Variants in ZNF169 observed in about 807,000 individuals in gnomAD.
The protein encoded by ZNF169 is zinc finger protein 169.
In ZNF169, 11 loss-of-function variants were observed where a neutral mutation model predicts 12.0. The ratio of observed to expected loss-of-function variants is 0.92; its 90% CI spans 0.58 to 1.52. The LOEUF (loss-of-function observed/expected upper bound fraction) is 1.52, where lower values mean the gene tolerates loss of function less well. Among genes scored for constraint, ZNF169 ranks in the 40% most tolerant of loss-of-function variants. The pLI, the probability that ZNF169 is intolerant of heterozygous loss-of-function variation, is 0.00. For synonymous variants in ZNF169, 302 were observed against 286.5 expected, an observed-to-expected ratio of 1.05 and a Z score of -0.55; for missense variants, 722 against 744.0, an observed-to-expected ratio of 0.97 and a Z score of 0.34.
Position 94,270,712 on chromosome 9 carries a change from A to AT in ZNF169, c.-55-8045dup, listed in dbSNP as rs1564083287. Among the ~76,000 whole-genome samples, 9 of 35,144 alleles carry AT rather than the reference A, an allele frequency of 2.6e-4. 1 individual carries two copies. The highest frequency in any genetic ancestry group is 1.4e-3 in the South Asian group (1 of 712). The allele number at this position is 35,144 out of a possible 152,430, so 23.1% of individuals were successfully genotyped here. A position where few individuals can be genotyped will look rare whatever the true frequency, so the allele number is the denominator to read the frequency against. ...AATATATAATTTATATAATTATATA[A>AT]TATATAATATTATATATTATATAAT... On this transcript the variant is annotated intron_variant, in intron 1 of 4. Transcript: ENST00000395395.
intron 4 of ZNF169, among the ~76,000 whole-genome samples, chr9:94,296,610 T>G (rs1029866838): frequency 5.3e-5 from 8 of 152,226 alleles, no homozygotes; most frequent in African/African-American, 1.9e-4. Context: ...GCACCATTTA[T>G]TGAAAACACT....
chr9:94,264,860 AT>A (rs894027271), intron 1 of ZNF169, among the ~76,000 whole-genome samples: 4 of 151,322 alleles, frequency 2.6e-5, no homozygotes, highest in African/African-American at 9.7e-5. Context: ...TTTTTATTGT[AT>A]TTTGTTGTAT....
chr9:94,266,316 T>C (rs181662190), intron 1 of ZNF169, among the ~76,000 whole-genome samples: 36 of 152,312 alleles, frequency 2.4e-4, no homozygotes, highest in African/African-American at 7.5e-4. Context: ...TGCTTGTATA[T>C]TTATTTGTCA....
intron 4 of ZNF169, among the ~76,000 whole-genome samples, chr9:94,298,150 G>C (rs1292539833): frequency 6.6e-6 from 1 of 150,442 alleles, no homozygotes; most frequent in Non-Finnish European, 1.5e-5. Context: ...CTAGGCGACA[G>C]TGCGAGACTC....
At chr9:94,294,801 T>C (rs970812743) in intron 4 of ZNF169, 4 of 152,356 alleles carry the variant, frequency 2.6e-5, no homozygotes, top group Non-Finnish European at 4.4e-5. Flanking sequence ...TGTTATTGAT[T>C]TGTAGAAATC....
chr9:94,273,695 T>G (rs896430668), intron 1 of ZNF169, among the ~76,000 whole-genome samples: 12 of 149,918 alleles, frequency 8.0e-5, no homozygotes, highest in Non-Finnish European at 1.6e-4. Flanking sequence ...TTCTCCTGCC[T>G]CAGCCTCCCG....
chr9:94,288,373 GT>G, intron 2 of ZNF169: 1 of 1,236,820 alleles, frequency 8.1e-7, no homozygotes. Flanking sequence ...TCTGTACTTG[GT>G]TTCCAGACTG....
intron 3 of ZNF169, 119 bp from the exon 4 acceptor site, chr9:94,292,855 C>A (rs1032012494): frequency 8.7e-6 from 7 of 807,896 alleles, no homozygotes; most frequent in Admixed American, 4.6e-5. Context: ...GTTTACTCCA[C>A]CCCTGCACCT....
At chr9:94,296,586 A>G (rs923663203) in intron 4 of ZNF169, among the ~76,000 whole-genome samples, 1 of 152,200 alleles carries the variant, frequency 6.6e-6, no homozygotes, top group Admixed American at 6.5e-5. Context: ...GCATACAAAT[A>G]TCCAATTTTT....
intron 3 of ZNF169, 140 bp downstream of exon 3, chr9:94,292,607 T>TGTG: frequency 1.5e-6 from 1 of 677,212 alleles, no homozygotes; most frequent in Non-Finnish European, 2.4e-6. Context: ...CACAGTGCAG[T>TGTG]TGTGTGTGTG....
chr9:94,285,011 G>A (rs76000922), intron 2 of ZNF169, among the ~76,000 whole-genome samples: 3,923 of 152,132 alleles, frequency 0.026, 163 homozygotes, highest in African/African-American at 0.089. Context: ...TCAAAATAGT[G>A]TCATACTGGC....
rs1437187359 is a variant in ZNF169 at position 94,301,742 on chromosome 9, C to T, written c.*372C>T. On this transcript the variant is annotated 3_prime_UTR_variant, in exon 5 of 5. Transcript: ENST00000395395. ...TATGCTTTCCTGGTGTGGCTTCCTCCTCTTCTAGGGACACCAGTCATTTTG... is the reference window on the plus strand; with the variant it reads ...TATGCTTTCCTGGTGTGGCTTCCTCTTCTTCTAGGGACACCAGTCATTTTG... 6.6e-6 allele frequency among the ~76,000 whole-genome samples: 1 copy of T among 152,144 alleles called. No individual in the cohort carries two copies. The highest frequency in any genetic ancestry group is 2.4e-5 in the African/African-American group (1 of 41,420).
intron 1 of ZNF169, among the ~76,000 whole-genome samples, chr9:94,277,120 G>C (rs1042866456): frequency 3.3e-5 from 5 of 152,174 alleles, no homozygotes; most frequent in African/African-American, 2.4e-5. Context: ...CTCAAAGTAG[G>C]GGGGCGGATT....
chr9:94,296,191 C>G (rs1830947334), intron 4 of ZNF169, among the ~76,000 whole-genome samples: 1 of 152,156 alleles, frequency 6.6e-6, no homozygotes, highest in Admixed American at 6.5e-5. Context: ...AGTACGTTTT[C>G]ACATCTTTTG....
intron 2 of ZNF169, among the ~76,000 whole-genome samples, chr9:94,283,785 G>A (rs561370619): frequency 1.4e-3 from 210 of 152,172 alleles, no homozygotes; most frequent in African/African-American, 4.7e-3. Flanking sequence ...AGTATAATAT[G>A]AGGCCGGGTG....
rs781612317 is a variant in ZNF169 at position 94,300,792 on chromosome 9, C to A, written c.1234C>A (p.Arg412Ser). ...YVCAECGHSF[R>S]QKVTLIRHQR... ...CTGTGCTGAGTGTGGGCACAGCTTT[C>A]GCCAAAAGGTCACTCTCATCAGGCA... is the stretch of plus-strand genomic sequence containing the variant. The change falls in exon 5 of 5, where the codon CGC (arginine) becomes AGC (serine). Residue 412 changes from arginine to serine, a missense_variant. Arg to Ser is a moderately radical substitution (Grantham distance 110). Transcript: ENST00000395395. 1.7e-5 allele frequency: 28 copies of A among 1,612,028 alleles called. No homozygotes were observed. The highest frequency in any genetic ancestry group is 1.7e-4 in the Middle Eastern group (1 of 6,056).
At chr9:94,270,711 A>AAC (rs1429107798) in intron 1 of ZNF169, among the ~76,000 whole-genome samples, 10 of 36,158 alleles carry the variant, frequency 2.8e-4, no homozygotes, top group Non-Finnish European at 3.6e-4. Flanking sequence ...ATAATTATAT[A>AAC]ATATATAATA....
At chr9:94,260,764 A>AT (rs1291877404) in intron 1 of ZNF169, among the ~76,000 whole-genome samples, 1 of 150,770 alleles carries the variant, frequency 6.6e-6, no homozygotes. Context: ...GACTCCTTGA[A>AT]TTCCTGGAGG....
chr9:94,292,470 A>G lies in ZNF169; in HGVS notation c.160+3A>G. ...CTACAGCCATCTGGTCTCCCTGGGT[A>G]AGGCTGGCCTGTTTAAGGTTTCAGA... On this transcript the variant is annotated splice_donor_region_variant and intron_variant, in intron 3 of 4. Coordinates refer to ENST00000395395, the MANE Select transcript of ZNF169 (RefSeq NM_194320.4). 6 of 1,612,366 alleles carry G rather than the reference A, an allele frequency of 3.7e-6. No individual in the cohort carries two copies. Among genetic ancestry groups the G allele is most frequent in the Non-Finnish European group, 5.1e-6 (6 of 1,179,036 alleles).
Sources: allele counts gnomAD v4.1 joint callset (sites outside exome capture counted in the v4.1 genomes callset), GRCh38; gene constraint gnomAD v4.1.1; transcripts MANE v1.5; gene names NCBI Gene and HGNC (gene_info 2026-07-23, HGNC 2026-07-21).